Variants in ARRB1 observed in about 807,000 individuals in gnomAD.
ARRB1 encodes the protein arrestin beta 1.
A neutral mutation model predicts 56.8 loss-of-function variants in ARRB1; 21 were observed. The observed-to-expected ratio is 0.37, with a 90% CI of 0.26 to 0.53. The LOEUF (loss-of-function observed/expected upper bound fraction) is 0.53. Ranked by LOEUF, ARRB1 falls within the 20% of genes least tolerant of loss-of-function variation. The probability of loss-of-function intolerance (pLI) is 0.88; values close to 1 mark genes in which losing one functional copy is unlikely to be tolerated. For missense variants in ARRB1, 424 were observed against 553.7 expected, an observed-to-expected ratio of 0.77 and a Z score of 2.35; for synonymous variants, 210 against 218.6, an observed-to-expected ratio of 0.96 and a Z score of 0.35.
chr11:75,266,540 T>G (rs1945918562), intron 15 of ARRB1, among the ~76,000 whole-genome samples: 1 of 152,158 alleles, frequency 6.6e-6, no homozygotes, highest in South Asian at 2.1e-4. Context: ...AATTTGACTC[T>G]TGTGCCTGAG....
intron 1 of ARRB1, among the ~76,000 whole-genome samples, chr11:75,311,045 G>C (rs1461590769): frequency 5.9e-5 from 9 of 152,190 alleles, no homozygotes; most frequent in African/African-American, 2.2e-4. Context: ...GGGTTATAAA[G>C]AGACCACAGG....
Position 75,264,599 on chromosome 11 carries a change from ATAGGG to A in ARRB1, c.*1559_*1563del, listed in dbSNP as rs1945868737. On this transcript the variant is annotated 3_prime_UTR_variant, in exon 16 of 16. Coordinates refer to ENST00000420843, the MANE Select transcript of ARRB1 (RefSeq NM_004041.5). Reference sequence around the variant, plus strand: ...TGGGGTTGAGGGCAGTTGGTGCTCCATAGGGCCCTGCCACCTCTGAGGTCCAATAA... The same window carrying A: ...TGGGGTTGAGGGCAGTTGGTGCTCCACCCTGCCACCTCTGAGGTCCAATAA... The A allele has an allele frequency of 6.6e-6, 1 of 152,196 alleles. No individual in the cohort carries two copies. The highest frequency in any genetic ancestry group is 1.5e-5 in the Non-Finnish European group (1 of 68,074). 9.4% of individuals were successfully genotyped at this position (152,196 alleles called of 1,614,324 possible).
Position 75,287,393 on chromosome 11 carries a change from AG to A in ARRB1, c.52-19del, listed in dbSNP as rs1376032329. The A allele has an allele frequency of 1.9e-6, 3 of 1,555,662 alleles. No homozygotes were observed. In the South Asian group the frequency reaches 3.6e-5, roughly 18 times the overall value. On this transcript the variant is annotated intron_variant, in intron 2 of 15. Coordinates refer to ENST00000420843, the MANE Select transcript of ARRB1 (RefSeq NM_004041.5). ...ACGGTGAGCTGAGGAGGAGAGGCATAGGGGGCGTTAGCAGCTGCAGGCCCAG... is the reference window on the plus strand; with the variant it reads ...ACGGTGAGCTGAGGAGGAGAGGCATAGGGGCGTTAGCAGCTGCAGGCCCAG...
chr11:75,306,820 G>T, intron 1 of ARRB1: 1 of 460,116 alleles, frequency 2.2e-6, no homozygotes, highest in Non-Finnish European at 3.6e-6. Context: ...GGATGTCCCT[G>T]GGCTGGCAGC....
intron 2 of ARRB1, among the ~76,000 whole-genome samples, 156 bp downstream of exon 2, chr11:75,289,853 A>G (rs1467150197): frequency 6.6e-6 from 1 of 152,066 alleles, no homozygotes; most frequent in Non-Finnish European, 1.5e-5. Flanking sequence ...CAGCTCCAAG[A>G]GAGAGAGCTG....
At position 75,287,510 on chromosome 11, in the gene ARRB1, C is replaced by G. The variant is rs1946509220; in HGVS notation, c.52-135G>C. On this transcript the variant is annotated intron_variant, in intron 2 of 15. Coordinates refer to ENST00000420843, the MANE Select transcript of ARRB1 (RefSeq NM_004041.5). ...AACCCTTATCAAAATCCTAAGTGGACTTGGGCCTTCACCCCAGCCCTAATA... is the reference window on the plus strand; with the variant it reads ...AACCCTTATCAAAATCCTAAGTGGAGTTGGGCCTTCACCCCAGCCCTAATA... 2.5e-5 allele frequency: 20 copies of G among 815,052 alleles called. No homozygotes were observed. The South Asian group carries it at 4.1e-4, about 17-fold the overall frequency. The allele number at this position is 815,052 out of a possible 1,614,324, so 50.5% of individuals were successfully genotyped here.
At chr11:75,325,757 G>C (rs372249925) in intron 1 of ARRB1, among the ~76,000 whole-genome samples, 3 of 152,182 alleles carry the variant, frequency 2.0e-5, no homozygotes, top group Non-Finnish European at 2.9e-5. Flanking sequence ...CCCAAACCAG[G>C]CTTGGCCATT....
chr11:75,326,514 G>C (rs1025850588), intron 1 of ARRB1, among the ~76,000 whole-genome samples: 1 of 151,978 alleles, frequency 6.6e-6, no homozygotes, highest in Non-Finnish European at 1.5e-5. Context: ...AACAGAGAGA[G>C]GTTAAATAAC....
chr11:75,294,757 G>A (rs1231129757), intron 1 of ARRB1, among the ~76,000 whole-genome samples: 1 of 152,046 alleles, frequency 6.6e-6, no homozygotes, highest in Non-Finnish European at 1.5e-5. Flanking sequence ...AGATTTCTCT[G>A]GTCCTATGAA....
intron 1 of ARRB1, among the ~76,000 whole-genome samples, chr11:75,349,418 G>C (rs181443286): frequency 2.6e-5 from 4 of 152,222 alleles, no homozygotes; most frequent in Non-Finnish European, 5.9e-5. Flanking sequence ...GGCAGGGCAG[G>C]GGGAGCCATG....
chr11:75,278,796 C>T (rs1051499339), intron 7 of ARRB1, 52 bp from the exon 8 acceptor site: 1 of 1,556,150 alleles, frequency 6.4e-7, no homozygotes, highest in Non-Finnish European at 8.7e-7. Flanking sequence ...GCCTTCATCC[C>T]CTCTCCTTGC....
At chr11:75,294,532 GGGC>G (rs1443081532) in intron 1 of ARRB1, among the ~76,000 whole-genome samples, 1 of 151,270 alleles carries the variant, frequency 6.6e-6, no homozygotes, top group Non-Finnish European at 1.5e-5. Context: ...ACTCCAGCCT[GGGC>G]AACAGAGCAA....
chr11:75,324,851 C>T (rs1947405134), intron 1 of ARRB1, among the ~76,000 whole-genome samples: 1 of 152,182 alleles, frequency 6.6e-6, no homozygotes, highest in Non-Finnish European at 1.5e-5. Context: ...CAAGGCCCTT[C>T]CTAGACTTTT....
At chr11:75,302,099 G>A (rs1025846951) in intron 1 of ARRB1, among the ~76,000 whole-genome samples, 9 of 152,262 alleles carry the variant, frequency 5.9e-5, no homozygotes, top group Admixed American at 2.0e-4. Context: ...CGGCTTCTGT[G>A]GTTCCCGTCT....
rs76716725 is a variant in ARRB1 at position 75,284,241 on chromosome 11, G to A, written c.151C>T (p.Arg51Trp). The A allele has an allele frequency of 8.7e-6, 14 of 1,609,150 alleles. No homozygotes were observed. The highest frequency in any genetic ancestry group is 2.2e-5 in the East Asian group (1 of 44,790). The change falls in exon 4 of 16, where the codon CGG becomes TGG. Residue 51 changes from arginine to tryptophan, a missense_variant. Physicochemically the swap from Arg to Trp is moderately radical, Grantham distance 101. Coordinates refer to ENST00000420843, the MANE Select transcript of ARRB1 (RefSeq NM_004041.5). ...GATGGGGGCCACAGCCTACCTCTCC[G>A]CTCTTTGAGATACTCAGGATCCACC... ...VLVDPEYLKE[R>W]RVYVTLTCAF...
chr11:75,281,165 C>A (rs1255943391), intron 6 of ARRB1, 23 bp from the exon 7 acceptor site: 1 of 1,582,878 alleles, frequency 6.3e-7, no homozygotes, highest in South Asian at 1.2e-5. Flanking sequence ...GGTCACTGAC[C>A]ACAGGGCCTT....
intron 7 of ARRB1, among the ~76,000 whole-genome samples, chr11:75,279,840 G>A (rs1047612456): frequency 1.3e-5 from 2 of 152,046 alleles, no homozygotes; most frequent in East Asian, 3.9e-4. Flanking sequence ...CCTAATTTTT[G>A]TATTTTCAAT....
intron 1 of ARRB1, among the ~76,000 whole-genome samples, chr11:75,300,489 AC>A: frequency 6.6e-6 from 1 of 152,266 alleles, no homozygotes; most frequent in Admixed American, 6.5e-5. Context: ...TTAATCACTC[AC>A]AATACTGCCT....
intron 1 of ARRB1, among the ~76,000 whole-genome samples, chr11:75,313,503 A>T (rs1323970941): frequency 1.3e-5 from 2 of 152,182 alleles, no homozygotes; most frequent in African/African-American, 4.8e-5. Context: ...AAGGCTGAGG[A>T]CAAGAGAGAG....
Sources: allele counts gnomAD v4.1 joint callset (sites outside exome capture counted in the v4.1 genomes callset), GRCh38; gene constraint gnomAD v4.1.1; transcripts MANE v1.5; gene names NCBI Gene and HGNC (gene_info 2026-07-23, HGNC 2026-07-21).